Variants in TF observed in about 807,000 individuals in gnomAD.
The protein encoded by TF is serotransferrin.
Under a neutral mutation model 82.4 loss-of-function variants are expected in TF, and 55 were observed. The observed-to-expected ratio is 0.67, with a 90% CI of 0.54 to 0.84. TF has a LOEUF of 0.84. Among genes scored for constraint, TF ranks in the 40% least tolerant of loss-of-function variants. The pLI is 0.00. For missense variants in TF, 737 were observed against 868.4 expected (o/e 0.85, Z 1.90); for synonymous variants, 332 against 332.6 (o/e 1.00, Z 0.02).
chr3:133,757,065 G>A (rs998826758), intron 7 of TF, 56 bp downstream of exon 7: 1 of 1,610,594 alleles, frequency 6.2e-7, no homozygotes, highest in Non-Finnish European at 8.5e-7. Context: ...TGGATTTGGG[G>A]GTTTTCCTCC....
chr3:133,772,110 TAC>T (rs1934275410), intron 14 of TF, among the ~76,000 whole-genome samples: 1 of 152,246 alleles, frequency 6.6e-6, no homozygotes, highest in African/African-American at 2.4e-5. Flanking sequence ...CACTCTGTAA[TAC>T]ACTTTGGCTA....
intron 11 of TF, among the ~76,000 whole-genome samples, chr3:133,765,226 C>T (rs758184793): frequency 6.6e-6 from 1 of 152,170 alleles, no homozygotes; most frequent in Non-Finnish European, 1.5e-5. Context: ...CAGGTCTTTC[C>T]CACTGATCCT....
At chr3:133,771,599 C>T (rs377753538) in intron 14 of TF, among the ~76,000 whole-genome samples, 5 of 151,246 alleles carry the variant, frequency 3.3e-5, no homozygotes, top group South Asian at 2.1e-4. Context: ...TAGCCGGGCG[C>T]GGTGGTGGGC....
chr3:133,762,764 G>A (rs145435965), intron 9 of TF, among the ~76,000 whole-genome samples: 113 of 152,246 alleles, frequency 7.4e-4, no homozygotes, highest in African/African-American at 2.3e-3. Flanking sequence ...CTGGTGACAG[G>A]TGCCTTCAAG....
the TF span, chr3:133,707,372 G>T: frequency 1.3e-5 from 2 of 152,232 alleles, no homozygotes; most frequent in African/African-American, 4.8e-5. Context: ...AGGAGAACCT[G>T]CTTCACTGGG....
chr3:133,723,924 C>T, the TF span, among the ~76,000 whole-genome samples: 6 of 151,764 alleles, frequency 4.0e-5, no homozygotes, highest in East Asian at 1.9e-4. Flanking sequence ...TCTGTCCTTG[C>T]GATAGTTTAC....
chr3:133,737,967 C>T, the TF span, among the ~76,000 whole-genome samples: 1 of 152,186 alleles, frequency 6.6e-6, no homozygotes, highest in Non-Finnish European at 1.5e-5. Context: ...TTTTATGAGG[C>T]CAGCATCATC....
the TF span, among the ~76,000 whole-genome samples, chr3:133,724,411 G>C: frequency 3.3e-5 from 5 of 152,326 alleles, no homozygotes; most frequent in South Asian, 1.0e-3. Flanking sequence ...GGCCAGTGAT[G>C]ATGAGCATTT....
intron 2 of TF, among the ~76,000 whole-genome samples, chr3:133,751,250 T>TG (rs1491287436): frequency 2.0e-5 from 2 of 99,824 alleles, no homozygotes; most frequent in Admixed American, 2.1e-4. Flanking sequence ...TTTTTTTTTT[T>TG]GAGACGGAGT....
Position 133,778,838 on chromosome 3 carries a change from T to A in TF, c.*218T>A. ...ATATTTTCAACAAAGGATTTCTTTA[T>A]GCATTCTGCCTAAATACCTATGCAA... On this transcript the variant is annotated 3_prime_UTR_variant, in exon 17 of 17. Coordinates refer to ENST00000402696, the MANE Select transcript of TF (RefSeq NM_001063.4). 2.1e-6 allele frequency: 1 copy of A among 468,588 alleles called. No homozygotes were observed. Among genetic ancestry groups the A allele is most frequent in the East Asian group, 4.4e-5 (1 of 22,718 alleles). The allele number at this position is 468,588 out of a possible 1,614,324, so 29.0% of individuals were successfully genotyped here. A position where few individuals can be genotyped will look rare whatever the true frequency, so the allele number is the denominator to read the frequency against.
At chr3:133,734,879 A>G in the TF span, among the ~76,000 whole-genome samples, 1 of 152,146 alleles carries the variant, frequency 6.6e-6, no homozygotes, top group Non-Finnish European at 1.5e-5. Context: ...AATGTTGGAA[A>G]TTCCCAAGGA....
At chr3:133,769,641 C>T (rs778263241) in intron 13 of TF, among the ~76,000 whole-genome samples, 4 of 152,272 alleles carry the variant, frequency 2.6e-5, no homozygotes, top group East Asian at 3.9e-4. Flanking sequence ...ACTCTTGAAC[C>T]GATGCAGTAA....
rs557002126 is a variant in TF, at chr3:133,790,107, G to A, written c.*11487G>A. ...AGGTAATCTAGATAAACTGTTAAAA[G>A]TGAAACAATTGAGTACAGTGAATGG... On this transcript the variant is annotated 3_prime_UTR_variant, in exon 17 of 17. Coordinates refer to ENST00000402696, the MANE Select transcript of TF (RefSeq NM_001063.4). The A allele has an allele frequency of 1.1e-4, 17 of 152,156 alleles. No individual in the cohort carries two copies. Among genetic ancestry groups the A allele is most frequent in the Non-Finnish European group, 2.5e-4 (17 of 68,012 alleles). 9.4% of individuals were successfully genotyped at this position (152,156 alleles called of 1,614,324 possible).
the TF span, among the ~76,000 whole-genome samples, chr3:133,703,640 C>G: frequency 6.6e-6 from 1 of 151,998 alleles, no homozygotes; most frequent in Non-Finnish European, 1.5e-5. Flanking sequence ...GTGAAAAGGT[C>G]AAAAACAAAG....
At chr3:133,742,424 C>T (rs977514606), upstream of TF, among the ~76,000 whole-genome samples, 2 of 151,634 alleles carry the variant, frequency 1.3e-5, no homozygotes, top group African/African-American at 4.9e-5. Flanking sequence ...AGAGGTAGAA[C>T]AGAGATAGAG....
the TF span, among the ~76,000 whole-genome samples, chr3:133,664,330 T>C: frequency 6.6e-6 from 1 of 152,350 alleles, no homozygotes; most frequent in East Asian, 1.9e-4. Flanking sequence ...GTACTTTTTT[T>C]TTCTTTTTTT....
Position 133,791,116 on chromosome 3 carries a change from T to C in TF, c.*12496T>C, listed in dbSNP as rs1934820996. ...CTGTGAATAGTTATTTTGTTCCCTA[T>C]GCATTTCTAGCAAGTCATCATTTGT... On this transcript the variant is annotated 3_prime_UTR_variant, in exon 17 of 17. Transcript: ENST00000402696. The C allele has an allele frequency of 6.6e-6, 1 of 152,204 alleles. No individual in the cohort carries two copies. Among genetic ancestry groups the C allele is most frequent in the Admixed American group, 6.5e-5 (1 of 15,280 alleles). The allele number at this position is 152,204 out of a possible 1,614,324, so 9.4% of individuals were successfully genotyped here. A position where few individuals can be genotyped will look rare whatever the true frequency, so the allele number is the denominator to read the frequency against.
At chr3:133,701,461 C>T in the TF span, among the ~76,000 whole-genome samples, 1 of 152,194 alleles carries the variant, frequency 6.6e-6, no homozygotes, top group South Asian at 2.1e-4. Flanking sequence ...CTAGCTTTGC[C>T]CTCCATTTAG....
chr3:133,732,534 C>G, the TF span, among the ~76,000 whole-genome samples: 1 of 152,212 alleles, frequency 6.6e-6, no homozygotes, highest in Non-Finnish European at 1.5e-5. Context: ...TTCCTTTTCA[C>G]AGTGTGGAAG....
Sources: gnomAD v4.1 joint callset for allele counts (sites outside exome capture counted in the v4.1 genomes callset) on GRCh38, gnomAD v4.1.1 for gene constraint, MANE v1.5 for transcripts, NCBI Gene and HGNC (gene_info 2026-07-23, HGNC 2026-07-21) for gene names.